The following DLGAP2 variants were observed in gnomAD, a reference collection of about 807,000 sequenced individuals.
DLGAP2 encodes the protein disks large-associated protein 2.
In DLGAP2, 26 loss-of-function variants were observed where a neutral mutation model predicts 100.3. The ratio of observed to expected loss-of-function variants is 0.26; its 90% confidence interval spans 0.19 to 0.36. The LOEUF (loss-of-function observed/expected upper bound fraction) is 0.36, where lower values mean the gene tolerates loss of function less well. Among genes scored for constraint, DLGAP2 ranks in the 10% least tolerant of loss-of-function variants. DLGAP2 has a pLI of 1.00. For missense variants in DLGAP2, 1,858 were observed against 1,453.2 expected, an observed-to-expected ratio of 1.28 and a Z score of -4.53; for synonymous variants, 886 against 630.1, an observed-to-expected ratio of 1.41 and a Z score of -6.08.
chr8:1,511,981 G>A (rs1312118335), intron 4 of DLGAP2, among the ~76,000 whole-genome samples: 1 of 152,240 alleles, frequency 6.6e-6, no homozygotes, highest in Non-Finnish European at 1.5e-5. Flanking sequence ...TTTGGTATTG[G>A]ATGAATACTA....
chr8:1,179,932 G>A (rs189380435), intron 2 of DLGAP2, among the ~76,000 whole-genome samples: 56 of 152,306 alleles, frequency 3.7e-4, no homozygotes, highest in African/African-American at 1.3e-3. Flanking sequence ...AAATTAAACC[G>A]TGCCTTTAGA....
At chr8:741,884 G>C (rs556627417) in intron 1 of DLGAP2, among the ~76,000 whole-genome samples, 7 of 152,356 alleles carry the variant, frequency 4.6e-5, no homozygotes, top group African/African-American at 1.7e-4. Context: ...AGCGGGAAAG[G>C]TGTAAGGCCT....
At position 1,549,233 on chromosome 8, in the gene DLGAP2, C is replaced by T. The variant is rs572187595; in HGVS notation, c.780C>T (p.Asp260=). The change falls in exon 5 of 15, where the codon GAC becomes GAT. Residue 260 remains aspartate (D), a synonymous_variant. Coordinates refer to ENST00000637795, the MANE Select transcript of DLGAP2 (RefSeq NM_001346810.2). The part of the protein sequence containing the change: ...SKSNANGTKA[D]GRADDHHHAH... ...GCAACGCCAACGGCACCAAGGCGGA[C>T]GGCCGGGCGGACGACCACCACCACG... The T allele has an allele frequency of 4.4e-6, 7 of 1,605,356 alleles. No individual in the cohort carries two copies. Among genetic ancestry groups the T allele is most frequent in the East Asian group, 2.2e-5 (1 of 44,480 alleles).
At chr8:1,347,040 A>C (rs946630377) in intron 3 of DLGAP2, among the ~76,000 whole-genome samples, 10 of 151,454 alleles carry the variant, frequency 6.6e-5, no homozygotes, top group Non-Finnish European at 1.5e-4. Flanking sequence ...CACTGCTCTC[A>C]TGGTAACTGT....
intron 3 of DLGAP2, among the ~76,000 whole-genome samples, chr8:1,449,597 C>T (rs1405966299): frequency 1.3e-5 from 2 of 152,182 alleles, no homozygotes; most frequent in Non-Finnish European, 2.9e-5. Context: ...CAGGGTGGGC[C>T]TGGCACTCTG....
chr8:1,661,973 C>T (rs565299902), intron 8 of DLGAP2, among the ~76,000 whole-genome samples: 7 of 152,254 alleles, frequency 4.6e-5, no homozygotes, highest in Non-Finnish European at 8.8e-5. Flanking sequence ...GGGAAGAACA[C>T]GGTCACGCTC....
At chr8:1,312,802 T>A (rs148590674) in intron 3 of DLGAP2, among the ~76,000 whole-genome samples, 1 of 152,220 alleles carries the variant, frequency 6.6e-6, no homozygotes, top group Non-Finnish European at 1.5e-5. Context: ...GAGAGCTGCT[T>A]CTTGCAGCAG....
chr8:1,682,589 C>G (rs547051416), intron 12 of DLGAP2, among the ~76,000 whole-genome samples: 1 of 147,540 alleles, frequency 6.8e-6, no homozygotes, highest in Middle Eastern at 3.2e-3. Flanking sequence ...ATTCTCCTGC[C>G]TCAGCCTCCC....
chr8:956,890 A>G (rs1175162684), intron 2 of DLGAP2, among the ~76,000 whole-genome samples: 4 of 152,184 alleles, frequency 2.6e-5, no homozygotes, highest in Admixed American at 2.6e-4. Context: ...TTTCTTATAC[A>G]TTTCCATGAG....
chr8:980,668 C>T (rs940182418), intron 2 of DLGAP2, among the ~76,000 whole-genome samples: 11 of 152,110 alleles, frequency 7.2e-5, no homozygotes, highest in African/African-American at 1.7e-4. Context: ...TTAAAGCAGC[C>T]GTGCTGAGGA....
At chr8:753,309 G>C (rs1162424183) in intron 1 of DLGAP2, 1 of 152,244 alleles carries the variant, frequency 6.6e-6, no homozygotes, top group African/African-American at 2.4e-5. Context: ...GGGAGGTCAG[G>C]CCGTCCCCTG....
rs192200291 is a variant in DLGAP2, at chr8:870,997, C to T, written c.19-36915C>T. On this transcript the variant is annotated intron_variant, in intron 1 of 14. Coordinates refer to ENST00000637795, the MANE Select transcript of DLGAP2 (RefSeq NM_001346810.2). ...GGCACCTGAGCTCAACATTTTCCTT[C>T]CCCTGGTTCTTCAGAATAAATAAAA... Among the ~76,000 whole-genome samples, 43 of 152,316 alleles carry T rather than the reference C, an allele frequency of 2.8e-4. 1 individual carries two copies. Among genetic ancestry groups the T allele is most frequent in the African/African-American group, 9.9e-4 (41 of 41,564 alleles).
At chr8:1,172,941 G>C (rs956118043) in intron 2 of DLGAP2, among the ~76,000 whole-genome samples, 1 of 152,190 alleles carries the variant, frequency 6.6e-6, no homozygotes, top group Non-Finnish European at 1.5e-5. Context: ...TGATGCTTTG[G>C]AGGAGGAGAG....
intron 2 of DLGAP2, among the ~76,000 whole-genome samples, chr8:1,037,636 C>T (rs1203796306): frequency 6.6e-6 from 1 of 152,202 alleles, no homozygotes; most frequent in Non-Finnish European, 1.5e-5. Context: ...AAAATGCTGA[C>T]ACAGTGTTTA....
chr8:1,540,592 G>A (rs1453523303), intron 4 of DLGAP2, among the ~76,000 whole-genome samples: 1 of 152,196 alleles, frequency 6.6e-6, no homozygotes, highest in Non-Finnish European at 1.5e-5. Flanking sequence ...CGGGCTGGGC[G>A]CTGGAGTCGG....
chr8:1,202,887 C>G (rs1797909683), intron 2 of DLGAP2, among the ~76,000 whole-genome samples: 2 of 152,238 alleles, frequency 1.3e-5, no homozygotes, highest in African/African-American at 2.4e-5. Context: ...TGCCCACCGA[C>G]CAGCCACGCC....
chr8:1,669,484 C>T (rs918480492), intron 9 of DLGAP2, among the ~76,000 whole-genome samples: 1 of 152,240 alleles, frequency 6.6e-6, no homozygotes. Flanking sequence ...CAGGGCTGGC[C>T]GTCAAGCCCT....
chr8:1,097,441 C>T (rs1190981533), intron 2 of DLGAP2, among the ~76,000 whole-genome samples: 7 of 135,448 alleles, frequency 5.2e-5, no homozygotes, highest in South Asian at 2.4e-4. Context: ...GCGTGAGACC[C>T]ACCTCCCTGT....
intron 2 of DLGAP2, among the ~76,000 whole-genome samples, chr8:1,071,505 C>G (rs1803430354): frequency 1.3e-5 from 2 of 152,162 alleles, no homozygotes; most frequent in Non-Finnish European, 1.5e-5. Context: ...CGTCCCGGTG[C>G]CAGACAGGAT....
Sources: gnomAD v4.1 joint callset for allele counts (sites outside exome capture counted in the v4.1 genomes callset) on GRCh38, gnomAD v4.1.1 for gene constraint, MANE v1.5 for transcripts, NCBI Gene and HGNC (gene_info 2026-07-23, HGNC 2026-07-21) for gene names.